The following PSPC1 variants were observed in gnomAD, a reference collection of about 807,000 sequenced individuals.
PSPC1 encodes the protein paraspeckle component 1.
PSPC1 carries 14 observed loss-of-function variants against 51.6 expected under a neutral mutation model. The ratio of observed to expected loss-of-function variants is 0.27; its 90% CI spans 0.18 to 0.42. The LOEUF is 0.42. Among genes scored for constraint, PSPC1 ranks in the 10% least tolerant of loss-of-function variants. The pLI is 1.00. For synonymous variants in PSPC1, 193 were observed against 231.9 expected, an observed-to-expected ratio of 0.83 and a Z score of 1.53; for missense variants, 406 against 701.1, an observed-to-expected ratio of 0.58 and a Z score of 4.75.
At chr13:19,726,675 A>G (rs1883389959) in intron 6 of PSPC1, among the ~76,000 whole-genome samples, 1 of 152,086 alleles carries the variant, frequency 6.6e-6, no homozygotes. Flanking sequence ...GAGGATGAGG[A>G]AAGAGGACTG....
chr13:19,769,188 C>G lies in PSPC1; in HGVS notation c.674+3054G>C, dbSNP rs551022992. ...ATAATAGGCTGGGCGCGGTGGCTCA[C>G]GCCTGTAATCTCAGCACTTTGGGAG... On this transcript the variant is annotated intron_variant, in intron 2 of 8. Transcript: ENST00000338910. Among the ~76,000 whole-genome samples, 90 of 151,002 alleles carry G rather than the reference C, an allele frequency of 6.0e-4. 1 individual carries two copies. Among genetic ancestry groups the G allele is most frequent in the African/African-American group, 2.2e-3 (89 of 40,876 alleles).
At chr13:19,754,313 T>C (rs1886857125) in intron 3 of PSPC1, among the ~76,000 whole-genome samples, 1 of 151,978 alleles carries the variant, frequency 6.6e-6, no homozygotes, top group African/African-American at 2.4e-5. Context: ...CTCCAACTCC[T>C]GATCTCAGGT....
chr13:19,765,401 G>A (rs959853201), intron 2 of PSPC1, among the ~76,000 whole-genome samples: 2 of 148,132 alleles, frequency 1.4e-5, no homozygotes, highest in African/African-American at 4.9e-5. Flanking sequence ...ATTTTATGAT[G>A]GAGAAAAAAT....
At chr13:19,694,808 T>C (rs1273118752) in intron 6 of PSPC1, among the ~76,000 whole-genome samples, 1 of 152,234 alleles carries the variant, frequency 6.6e-6, no homozygotes, top group South Asian at 2.1e-4. Context: ...CTCAATTCAA[T>C]GAGCACAAAC....
intron 6 of PSPC1, among the ~76,000 whole-genome samples, chr13:19,681,713 G>T (rs906375589): frequency 6.6e-6 from 1 of 152,138 alleles, no homozygotes; most frequent in African/African-American, 2.4e-5. Flanking sequence ...GTGGGGTAGG[G>T]ATTTCCATGT....
At chr13:19,764,908 A>AT (rs1250121132) in intron 2 of PSPC1, among the ~76,000 whole-genome samples, 18 of 150,152 alleles carry the variant, frequency 1.2e-4, no homozygotes, top group Non-Finnish European at 1.5e-4. Flanking sequence ...TAATTTTTTT[A>AT]TTTTTCTTTT....
chr13:19,694,052 G>A (rs1391549737), intron 6 of PSPC1, among the ~76,000 whole-genome samples: 7 of 148,888 alleles, frequency 4.7e-5, no homozygotes, highest in Non-Finnish European at 8.9e-5. Context: ...GAACCCGGGA[G>A]GCGGAGCCTG....
intron 4 of PSPC1, among the ~76,000 whole-genome samples, chr13:19,749,659 G>T (rs1030260487): frequency 1.4e-5 from 2 of 142,996 alleles, no homozygotes; most frequent in African/African-American, 5.2e-5. Flanking sequence ...TTTTGAAATG[G>T]AGTCTCGCTC....
chr13:19,776,295 TCTCTA>T (rs1371443835), intron 1 of PSPC1, among the ~76,000 whole-genome samples: 1 of 151,902 alleles, frequency 6.6e-6, no homozygotes, highest in African/African-American at 2.4e-5. Flanking sequence ...AGAGACCTTG[TCTCTA>T]CAAAAAATAA....
chr13:19,768,373 C>T (rs1425542245), intron 2 of PSPC1, among the ~76,000 whole-genome samples: 1 of 151,822 alleles, frequency 6.6e-6, no homozygotes, highest in Non-Finnish European at 1.5e-5. Flanking sequence ...AGGGGACGGG[C>T]GTGGTGGCTC....
intron 4 of PSPC1, among the ~76,000 whole-genome samples, chr13:19,747,505 G>A (rs1274940132): frequency 6.6e-6 from 1 of 152,016 alleles, no homozygotes; most frequent in East Asian, 1.9e-4. Context: ...GCTAATTTCT[G>A]TACTTTTGGT....
At chr13:19,676,943 C>T (rs1876700717) in intron 7 of PSPC1, among the ~76,000 whole-genome samples, 1 of 152,094 alleles carries the variant, frequency 6.6e-6, no homozygotes, top group Non-Finnish European at 1.5e-5. Context: ...TTTAAGATTA[C>T]ATATTTTCTG....
At chr13:19,759,297 C>T (rs201900312) in intron 3 of PSPC1, 26 bp downstream of exon 3, 2 of 1,546,314 alleles carry the variant, frequency 1.3e-6, no homozygotes, top group Non-Finnish European at 1.8e-6. Flanking sequence ...AGTACAGACA[C>T]AAATTATCTA....
intron 2 of PSPC1, among the ~76,000 whole-genome samples, chr13:19,765,344 A>AATTATTATTATT (rs749463540): frequency 7.1e-5 from 10 of 141,370 alleles, no homozygotes; most frequent in Non-Finnish European, 1.2e-4. Flanking sequence ...TAATAATAAT[A>AATTATTATTATT]ATTATTATTA....
At chr13:19,723,302 T>C (rs1277686519) in intron 6 of PSPC1, among the ~76,000 whole-genome samples, 1 of 152,166 alleles carries the variant, frequency 6.6e-6, no homozygotes, top group African/African-American at 2.4e-5. Context: ...TGTTAATCAA[T>C]ACAATTAAGT....
intron 6 of PSPC1, among the ~76,000 whole-genome samples, chr13:19,726,678 G>A (rs914603789): frequency 3.3e-5 from 5 of 152,108 alleles, no homozygotes; most frequent in South Asian, 4.2e-4. Context: ...GATGAGGAAA[G>A]AGGACTGCTT....
chr13:19,751,250 T>A (rs768835139), intron 4 of PSPC1, 21 bp downstream of exon 4: 1 of 1,505,306 alleles, frequency 6.6e-7, no homozygotes, highest in Non-Finnish European at 8.8e-7. Flanking sequence ...ATACCACATG[T>A]ACATGAAAAT....
intron 5 of PSPC1, among the ~76,000 whole-genome samples, chr13:19,734,288 C>A (rs74861129): frequency 6.6e-6 from 1 of 152,074 alleles, no homozygotes; most frequent in Non-Finnish European, 1.5e-5. Flanking sequence ...TAAACCTTCA[C>A]GTTACATTTA....
At chr13:19,735,549 C>G (rs979677102) in intron 5 of PSPC1, among the ~76,000 whole-genome samples, 6 of 152,102 alleles carry the variant, frequency 3.9e-5, no homozygotes, top group Non-Finnish European at 7.3e-5. Flanking sequence ...AAAGTAAAAC[C>G]AGAAACTTGT....
Sources: allele counts gnomAD v4.1 joint callset (sites outside exome capture counted in the v4.1 genomes callset), GRCh38; gene constraint gnomAD v4.1.1; transcripts MANE v1.5; gene names NCBI Gene and HGNC (gene_info 2026-07-23, HGNC 2026-07-21).